Variants in RAB4A observed in about 807,000 individuals in gnomAD.
RAB4A encodes the protein ras-related protein Rab-4A.
Under a neutral mutation model 34.5 loss-of-function variants are expected in RAB4A, and 20 were observed. The ratio of observed to expected loss-of-function variants is 0.58; its 90% CI spans 0.41 to 0.84. The LOEUF is 0.84. RAB4A is among the 40% of genes least tolerant of loss of function. The pLI, the probability that RAB4A is intolerant of heterozygous loss-of-function variation, is 0.00. For synonymous variants in RAB4A, 102 were observed against 100.0 expected (o/e 1.02, Z -0.12); for missense variants, 228 against 274.5 (o/e 0.83, Z 1.20).
At chr1:229,280,367 CT>C (rs1459531248) in intron 1 of RAB4A, among the ~76,000 whole-genome samples, 5 of 152,152 alleles carry the variant, frequency 3.3e-5, no homozygotes, top group Non-Finnish European at 4.4e-5. Flanking sequence ...TCATTATCTC[CT>C]TATAGTTTTA....
Position 229,293,688 on chromosome 1 carries a change from G to A in RAB4A, c.228-2160G>A, listed in dbSNP as rs185931845. 1.1e-3 allele frequency among the ~76,000 whole-genome samples: 173 copies of A among 152,260 alleles called. 1 individual carries two copies. Among genetic ancestry groups the A allele is most frequent in the African/African-American group, 3.9e-3 (164 of 41,546 alleles). On this transcript the variant is annotated intron_variant, in intron 3 of 7. Coordinates refer to ENST00000366690, the MANE Select transcript of RAB4A (RefSeq NM_004578.4). Reference sequence around the variant, plus strand: ...GGCAGGCAGCCAACACAGAGACAGAGACAGAAAGAGCATCCCACCAAGTGG... The same window carrying A: ...GGCAGGCAGCCAACACAGAGACAGAAACAGAAAGAGCATCCCACCAAGTGG...
intron 1 of RAB4A, among the ~76,000 whole-genome samples, chr1:229,272,173 C>G (rs1353701389): frequency 6.6e-6 from 1 of 151,148 alleles, no homozygotes; most frequent in African/African-American, 2.4e-5. Flanking sequence ...ACAACTTGTA[C>G]TTTGTATCAG....
chr1:229,297,358 T>C, intron 4 of RAB4A, 124 bp from the exon 5 acceptor site: 1 of 940,682 alleles, frequency 1.1e-6, no homozygotes, highest in Non-Finnish European at 1.5e-6. Flanking sequence ...GTCTGAGTTA[T>C]CTTAAAGGTG....
intron 6 of RAB4A, among the ~76,000 whole-genome samples, chr1:229,302,479 CATCATA>C (rs1657440700): frequency 6.7e-6 from 1 of 149,232 alleles, no homozygotes; most frequent in Middle Eastern, 3.2e-3. Flanking sequence ...CATGTAGTAT[CATCATA>C]CTTGGACTTT....
chr1:229,281,654 G>T (rs895466588), intron 1 of RAB4A, among the ~76,000 whole-genome samples: 2 of 151,646 alleles, frequency 1.3e-5, no homozygotes, highest in Admixed American at 1.3e-4. Flanking sequence ...TATGACTCAG[G>T]TTTGCCATTT....
At position 229,271,252 on chromosome 1, in the gene RAB4A, C is replaced by A. The variant is rs1656459822; in HGVS notation, c.-88C>A. 2.4e-6 allele frequency: 3 copies of A among 1,227,086 alleles called. No homozygotes were observed. The highest frequency in any genetic ancestry group is 3.1e-6 in the Non-Finnish European group (3 of 973,592). 76.0% of individuals were successfully genotyped at this position (1,227,086 alleles called of 1,614,324 possible). A position where few individuals can be genotyped will look rare whatever the true frequency, so the allele number is the denominator to read the frequency against. The stretch of plus-strand genomic sequence containing the variant: ...CGGGCCCCTCCCTCCTCCGGTCCCC[C>A]GCCCCAGGTCCTTCCCCACCGAGAC... On this transcript the variant is annotated 5_prime_UTR_variant, in exon 1 of 8. Coordinates refer to ENST00000366690, the MANE Select transcript of RAB4A (RefSeq NM_004578.4).
intron 1 of RAB4A, among the ~76,000 whole-genome samples, chr1:229,274,655 C>A (rs920348877): frequency 1.3e-5 from 2 of 152,346 alleles, no homozygotes; most frequent in Non-Finnish European, 2.9e-5. Flanking sequence ...TCCCAAGGAA[C>A]TCTGCTTCAG....
chr1:229,289,698 C>A lies in RAB4A; in HGVS notation c.227+855C>A, dbSNP rs143700553. ...GGGCGTGGTGGCAGGTGCCTGTAAT[C>A]CCAGCTACTCTGGAGGCTGAGGCAG... On this transcript the variant is annotated intron_variant, in intron 3 of 7. Coordinates refer to ENST00000366690, the MANE Select transcript of RAB4A (RefSeq NM_004578.4). Among the ~76,000 whole-genome samples, 52 of 152,272 alleles carry A rather than the reference C, an allele frequency of 3.4e-4. 1 individual carries two copies. The highest frequency in any genetic ancestry group is 1.2e-3 in the African/African-American group (49 of 41,556).
chr1:229,288,985 TTTGA>T (rs1656994547), intron 3 of RAB4A, 142 bp downstream of exon 3: 4 of 637,564 alleles, frequency 6.3e-6, no homozygotes, highest in East Asian at 2.9e-5. Flanking sequence ...TTTTGGAAAC[TTTGA>T]TTGACAAGAC....
chr1:229,302,307 ATATTTTTTT>A (rs1340533248), intron 6 of RAB4A, among the ~76,000 whole-genome samples: 2 of 34,998 alleles, frequency 5.7e-5, no homozygotes, highest in African/African-American at 8.2e-5. Context: ...ATATATATAT[ATATTTTTTT>A]TTTTTTTTTA....
chr1:229,271,382 G>A lies in RAB4A; in HGVS notation c.31+12G>A. The A allele has an allele frequency of 3.3e-6, 4 of 1,227,638 alleles. No individual in the cohort carries two copies. Among genetic ancestry groups the A allele is most frequent in the Non-Finnish European group, 4.1e-6 (4 of 984,734 alleles). The allele number at this position is 1,227,638 out of a possible 1,614,324, so 76.0% of individuals were successfully genotyped here. On this transcript the variant is annotated intron_variant, in intron 1 of 7. Transcript: ENST00000366690. ...GTCCGAAACCTACGGTACGAGGCCC[G>A]GGCTGGCGGGGCGCGCGGGTCGGGC...
intron 3 of RAB4A, 100 bp downstream of exon 3, chr1:229,288,943 C>G (rs1162067803): frequency 1.4e-6 from 1 of 725,516 alleles, no homozygotes; most frequent in African/African-American, 1.8e-5. Context: ...CCCCAACACA[C>G]CCCTTCCTTG....
At chr1:229,275,921 C>T (rs905124787) in intron 1 of RAB4A, among the ~76,000 whole-genome samples, 3 of 151,138 alleles carry the variant, frequency 2.0e-5, no homozygotes, top group East Asian at 3.9e-4. Flanking sequence ...CCACCGTGCC[C>T]GTGTATAAAT....
rs1364117608 is a variant in RAB4A at position 229,295,895 on chromosome 1, T to C, written c.275T>C (p.Val92Ala). 2 of 1,613,920 alleles carry C rather than the reference T, an allele frequency of 1.2e-6. No individual in the cohort carries two copies. The highest frequency in any genetic ancestry group is 1.7e-6 in the Non-Finnish European group (2 of 1,180,008). Reference sequence around the variant, plus strand: ...CGAGGCGCGGCCGGGGCTCTCCTCGTCTATGATATCACCAGGTAATGCCAG... The same window carrying C: ...CGAGGCGCGGCCGGGGCTCTCCTCGCCTATGATATCACCAGGTAATGCCAG... ...YYRGAAGALLVYDITSRETYN... is the reference protein window; with the variant it reads ...YYRGAAGALLAYDITSRETYN... Residue 92 changes from valine to alanine, a missense_variant, in exon 4 of 8, where the codon GTC becomes GCC. Physicochemically the swap from Val to Ala is moderately conservative, Grantham distance 64 (BLOSUM62 0). Coordinates refer to ENST00000366690, the MANE Select transcript of RAB4A (RefSeq NM_004578.4).
At chr1:229,279,436 T>C (rs1656726500) in intron 1 of RAB4A, among the ~76,000 whole-genome samples, 1 of 152,250 alleles carries the variant, frequency 6.6e-6, no homozygotes, top group African/African-American at 2.4e-5. Flanking sequence ...CCTTTGTGCC[T>C]GTAGTTCACA....
chr1:229,291,438 G>T (rs1464602349), intron 3 of RAB4A, among the ~76,000 whole-genome samples: 1 of 152,170 alleles, frequency 6.6e-6, no homozygotes, highest in African/African-American at 2.4e-5. Flanking sequence ...GTATGTGATG[G>T]CACTGCCCTT....
chr1:229,281,301 T>C (rs1011433608), intron 1 of RAB4A, among the ~76,000 whole-genome samples: 7 of 152,168 alleles, frequency 4.6e-5, no homozygotes, highest in African/African-American at 1.7e-4. Flanking sequence ...GCTTGACATA[T>C]TTTACAGCTG....
At chr1:229,286,863 G>C (rs962910980) in intron 2 of RAB4A, among the ~76,000 whole-genome samples, 3 of 152,188 alleles carry the variant, frequency 2.0e-5, no homozygotes, top group Non-Finnish European at 4.4e-5. Flanking sequence ...TTTCCTGACA[G>C]AGCAGCCAGA....
At chr1:229,297,697 C>A (rs1345056215) in intron 5 of RAB4A, 61 bp downstream of exon 5, 2 of 1,420,396 alleles carry the variant, frequency 1.4e-6, no homozygotes, top group African/African-American at 2.9e-5. Context: ...AATAGCATTT[C>A]TTTGAATTTA....
Sources: allele counts gnomAD v4.1 joint callset (sites outside exome capture counted in the v4.1 genomes callset), GRCh38; gene constraint gnomAD v4.1.1; transcripts MANE v1.5; gene names NCBI Gene and HGNC (gene_info 2026-07-23, HGNC 2026-07-21).